Variants in LRP1B observed in about 807,000 individuals in gnomAD.
The protein encoded by LRP1B is low-density lipoprotein receptor-related protein 1B.
A neutral mutation model predicts 556.6 loss-of-function variants in LRP1B; 217 were observed. The observed-to-expected ratio is 0.39, with a 90% CI of 0.35 to 0.44. LRP1B has a LOEUF of 0.44. Among genes scored for constraint, LRP1B ranks in the 20% least tolerant of loss-of-function variants. The probability of loss-of-function intolerance (pLI) is 1.00; values close to 1 mark genes in which losing one functional copy is unlikely to be tolerated. For missense variants in LRP1B, 5,053 were observed against 5,620.8 expected, an observed-to-expected ratio of 0.90 and a Z score of 3.23; for synonymous variants, 2,047 against 1,865.8, an observed-to-expected ratio of 1.10 and a Z score of -2.50.
chr2:141,661,425 A>G (rs1690216956), intron 2 of LRP1B, among the ~76,000 whole-genome samples: 1 of 152,182 alleles, frequency 6.6e-6, no homozygotes, highest in Non-Finnish European at 1.5e-5. Context: ...AGAAGGTAAG[A>G]ACCATGATAA....
chr2:141,781,642 A>C (rs958158663), intron 2 of LRP1B, among the ~76,000 whole-genome samples: 2 of 152,206 alleles, frequency 1.3e-5, no homozygotes, highest in African/African-American at 4.8e-5. Context: ...ATTTGATTTT[A>C]ATAAATTATT....
intron 2 of LRP1B, among the ~76,000 whole-genome samples, chr2:141,718,972 T>TTGCC (rs10693828): frequency 0.36 from 54,926 of 151,688 alleles, 10,499 homozygotes; most frequent in East Asian, 0.59. Flanking sequence ...ACTGGGTATT[T>TTGCC]TGCCTGGGGT....
chr2:141,971,026 T>C (rs1389073986), intron 1 of LRP1B, among the ~76,000 whole-genome samples: 1 of 151,504 alleles, frequency 6.6e-6, no homozygotes, highest in Non-Finnish European at 1.5e-5. Context: ...TATGGGAAAA[T>C]GTCCATAGCA....
At chr2:142,098,541 T>G (rs1412816659) in intron 1 of LRP1B, among the ~76,000 whole-genome samples, 2 of 151,782 alleles carry the variant, frequency 1.3e-5, no homozygotes, top group Non-Finnish European at 3.0e-5. Context: ...TACCCAAATG[T>G]GTACCCATTT....
intron 3 of LRP1B, among the ~76,000 whole-genome samples, chr2:141,409,871 T>C (rs1690787167): frequency 6.6e-6 from 1 of 152,048 alleles, no homozygotes; most frequent in African/African-American, 2.4e-5. Context: ...AGCCACACAA[T>C]AACTTGAGAA....
chr2:141,535,384 G>C (rs1351842187), intron 2 of LRP1B, among the ~76,000 whole-genome samples: 1 of 151,950 alleles, frequency 6.6e-6, no homozygotes, highest in African/African-American at 2.4e-5. Context: ...TAAAATAAAA[G>C]GTAGCACAGA....
intron 66 of LRP1B, among the ~76,000 whole-genome samples, chr2:140,430,270 C>G (rs1166825611): frequency 6.6e-6 from 1 of 152,206 alleles, no homozygotes; most frequent in East Asian, 1.9e-4. Context: ...CAAGCCCTCA[C>G]TCTCGCAAAA....
chr2:140,429,109 A>G (rs1685797900), intron 66 of LRP1B, among the ~76,000 whole-genome samples: 1 of 151,960 alleles, frequency 6.6e-6, no homozygotes, highest in Admixed American at 6.6e-5. Flanking sequence ...AATCACCCTT[A>G]CCCTGCTCAA....
chr2:141,976,973 TAC>T lies in LRP1B; in HGVS notation c.82+153673_82+153674del, dbSNP rs140410030. Among the ~76,000 whole-genome samples, 595 of 152,306 alleles carry T rather than the reference TAC, an allele frequency of 3.9e-3. 9 individuals carry two copies. Among genetic ancestry groups the T allele is most frequent in the African/African-American group, 0.014 (573 of 41,572 alleles). ...ATTATGAATGAAATCTTCTTATAAT[TAC>T]ACTTTTTAAAAACAATTTTGAACCT... On this transcript the variant is annotated intron_variant, in intron 1 of 90. Transcript: ENST00000389484.
At chr2:140,274,621 AAAAAT>A (rs749161196) in intron 84 of LRP1B, 23 bp from the exon 85 acceptor site, 25 of 1,596,006 alleles carry the variant, frequency 1.6e-5, no homozygotes, top group South Asian at 4.5e-5. Flanking sequence ...GGCACAACAG[AAAAAT>A]AAAATTATAT....
At chr2:140,366,353 G>A (rs906828582) in intron 71 of LRP1B, among the ~76,000 whole-genome samples, 1 of 151,754 alleles carries the variant, frequency 6.6e-6, no homozygotes, top group East Asian at 1.9e-4. Context: ...AGATGGTATT[G>A]TTCATTAAAT....
chr2:142,051,467 TTTTG>T (rs1574634239), intron 1 of LRP1B, among the ~76,000 whole-genome samples: 1 of 98,600 alleles, frequency 1.0e-5, no homozygotes, highest in Non-Finnish European at 2.3e-5. Flanking sequence ...AGGTGTGTTT[TTTTG>T]TTTTTTTGTT....
At chr2:140,240,218 T>G (rs1166165739) in intron 87 of LRP1B, among the ~76,000 whole-genome samples, 1 of 150,898 alleles carries the variant, frequency 6.6e-6, no homozygotes, top group Non-Finnish European at 1.5e-5. Flanking sequence ...TTCTAGTTTC[T>G]GAACAGTTTT....
chr2:140,450,704 T>C (rs760758084), intron 62 of LRP1B, 43 bp from the exon 63 acceptor site: 3 of 1,346,750 alleles, frequency 2.2e-6, no homozygotes, highest in Non-Finnish European at 3.2e-6. Context: ...AAGAACCCAG[T>C]GCATATATAA....
rs187372481 is a variant in LRP1B, at chr2:140,929,928, A to C, written c.3137-6781T>G. On this transcript the variant is annotated intron_variant, in intron 20 of 90. Transcript: ENST00000389484. ...GCTGTCATCTTCTGCCAGAAAACAGAAAAAAGTCATGAGGTTTTATTATCT... is the reference window on the plus strand; with the variant it reads ...GCTGTCATCTTCTGCCAGAAAACAGCAAAAAGTCATGAGGTTTTATTATCT... Among the ~76,000 whole-genome samples the C allele has an allele frequency of 6.6e-5, 10 of 152,184 alleles. No individual in the cohort carries two copies. The East Asian group carries it at 1.9e-3, about 29-fold the overall frequency.
At chr2:140,729,566 T>C (rs932721204) in intron 35 of LRP1B, among the ~76,000 whole-genome samples, 2 of 152,152 alleles carry the variant, frequency 1.3e-5, no homozygotes, top group Admixed American at 6.5e-5. Flanking sequence ...TATGAACAAA[T>C]TCCCGCTTTA....
At chr2:140,507,950 T>C (rs1285899884) in intron 52 of LRP1B, among the ~76,000 whole-genome samples, 1 of 152,176 alleles carries the variant, frequency 6.6e-6, no homozygotes, top group Admixed American at 6.5e-5. Context: ...TTATAAGGGC[T>C]AGATAATGTA....
intron 2 of LRP1B, among the ~76,000 whole-genome samples, chr2:141,745,212 C>A (rs1693867687): frequency 6.6e-6 from 1 of 152,060 alleles, no homozygotes; most frequent in Non-Finnish European, 1.5e-5. Flanking sequence ...ATGTTCAAGA[C>A]CCCAGGGCTC....
intron 1 of LRP1B, among the ~76,000 whole-genome samples, chr2:141,979,247 G>C (rs559571045): frequency 2.0e-5 from 3 of 152,130 alleles, no homozygotes; most frequent in African/African-American, 7.2e-5. Context: ...ATCACAATTG[G>C]AAGAAAGCAA....
Sources: gnomAD v4.1 joint callset for allele counts (sites outside exome capture counted in the v4.1 genomes callset) on GRCh38, gnomAD v4.1.1 for gene constraint, MANE v1.5 for transcripts, NCBI Gene and HGNC (gene_info 2026-07-23, HGNC 2026-07-21) for gene names.